The following HTR2A variants were observed in gnomAD, a reference collection of about 807,000 sequenced individuals.
HTR2A encodes 5-hydroxytryptamine receptor 2A, also known as 5-HT2 receptor.
A neutral mutation model predicts 31.0 loss-of-function variants in HTR2A; 14 were observed. The ratio of observed to expected loss-of-function variants is 0.45; its 90% CI spans 0.30 to 0.71. HTR2A has a LOEUF of 0.71. Ranked by LOEUF, HTR2A falls within the 30% of genes least tolerant of loss-of-function variation. HTR2A has a pLI of 0.09. For synonymous variants in HTR2A, 209 were observed against 225.2 expected (o/e 0.93, Z 0.64); for missense variants, 442 against 573.3 (o/e 0.77, Z 2.34).
At chr13:46,843,724 A>T (rs1950618429) in intron 3 of HTR2A, among the ~76,000 whole-genome samples, 1 of 152,124 alleles carries the variant, frequency 6.6e-6, no homozygotes, top group South Asian at 2.1e-4. Flanking sequence ...CCCTGGACCA[A>T]TTTTGATGAC....
chr13:46,855,655 T>C (rs1293617072), intron 3 of HTR2A, among the ~76,000 whole-genome samples: 1 of 152,160 alleles, frequency 6.6e-6, no homozygotes, highest in Admixed American at 6.5e-5. Flanking sequence ...TAAGGTGGGA[T>C]GGCCAGCAGG....
At chr13:46,890,389 C>T (rs1593445784) in intron 3 of HTR2A, among the ~76,000 whole-genome samples, 1 of 152,166 alleles carries the variant, frequency 6.6e-6, no homozygotes, top group South Asian at 2.1e-4. Context: ...TGCCTGGCAC[C>T]ACCACAATCA....
chr13:46,882,377 T>C (rs560513540), intron 3 of HTR2A, among the ~76,000 whole-genome samples: 2 of 152,326 alleles, frequency 1.3e-5, no homozygotes, highest in Admixed American at 6.5e-5. Flanking sequence ...AGGTGGTATA[T>C]GAAGTCTATG....
Position 46,832,686 on chromosome 13 carries a change from A to C in HTR2A, c.*2151T>G, listed in dbSNP as rs1024224026. 3.9e-5 allele frequency: 6 copies of C among 152,220 alleles called. No homozygotes were observed. The highest frequency in any genetic ancestry group is 7.4e-5 in the Non-Finnish European group (5 of 68,022). 9.4% of individuals were successfully genotyped at this position (152,220 alleles called of 1,614,324 possible). On this transcript the variant is annotated 3_prime_UTR_variant, in exon 4 of 4. Transcript: ENST00000542664. ...CAAATGCAGCCTTGGTACTAGCAGC[A>C]TATTATACATTCTATCTTTGAAACA...
chr13:46,867,562 G>A (rs1950827642), intron 3 of HTR2A, among the ~76,000 whole-genome samples: 1 of 152,196 alleles, frequency 6.6e-6, no homozygotes. Flanking sequence ...AACATCTCTT[G>A]AAGGATTTTT....
chr13:46,855,245 C>G (rs970123322), intron 3 of HTR2A, among the ~76,000 whole-genome samples: 9 of 152,174 alleles, frequency 5.9e-5, no homozygotes, highest in African/African-American at 1.9e-4. Context: ...AACCAGTACA[C>G]CCCCTTTTCT....
chr13:46,890,480 G>T (rs1246613241), intron 3 of HTR2A, among the ~76,000 whole-genome samples: 2 of 152,164 alleles, frequency 1.3e-5, no homozygotes, highest in Non-Finnish European at 2.9e-5. Context: ...AAGAGCATGG[G>T]CTTTGGACTC....
rs1170531051 is a variant in HTR2A, at chr13:46,896,868, C to T, written c.-523G>A. On this transcript the variant is annotated 5_prime_UTR_variant, in exon 1 of 4. Coordinates refer to ENST00000542664, the MANE Select transcript of HTR2A (RefSeq NM_000621.5). ...GAGCCAGCTCCCGCACTGCTAGGAT[C>T]CTGTTGGCTTCCTCTGGCACGGCTC... 1.3e-6 allele frequency: 2 copies of T among 1,531,564 alleles called. No individual in the cohort carries two copies. The highest frequency in any genetic ancestry group is 2.0e-5 in the Admixed American group (1 of 49,976). The allele number at this position is 1,531,564 out of a possible 1,614,324, so 94.9% of individuals were successfully genotyped here. A position where few individuals can be genotyped will look rare whatever the true frequency, so the allele number is the denominator to read the frequency against.
At chr13:46,890,268 G>A (rs555150178) in intron 3 of HTR2A, among the ~76,000 whole-genome samples, 4 of 152,206 alleles carry the variant, frequency 2.6e-5, no homozygotes, top group Non-Finnish European at 5.9e-5. Context: ...GCTTGAATGC[G>A]GGAGGCGGAG....
At chr13:46,861,030 A>T (rs1950774830) in intron 3 of HTR2A, among the ~76,000 whole-genome samples, 1 of 152,072 alleles carries the variant, frequency 6.6e-6, no homozygotes, top group Non-Finnish European at 1.5e-5. Context: ...TTAAAATTAG[A>T]CTCACCAGAT....
intron 3 of HTR2A, among the ~76,000 whole-genome samples, chr13:46,881,218 G>A (rs545489652): frequency 6.6e-6 from 1 of 152,326 alleles, no homozygotes; most frequent in South Asian, 2.1e-4. Context: ...CAGAGGAGGG[G>A]AAGGGTCACT....
chr13:46,889,419 C>T (rs1021305548), intron 3 of HTR2A, among the ~76,000 whole-genome samples: 1 of 152,110 alleles, frequency 6.6e-6, no homozygotes, highest in Non-Finnish European at 1.5e-5. Context: ...CCAAGTTCTA[C>T]ATAACCTCTC....
chr13:46,894,129 T>C (rs927584754), intron 2 of HTR2A, among the ~76,000 whole-genome samples: 11 of 152,160 alleles, frequency 7.2e-5, no homozygotes, highest in African/African-American at 2.7e-4. Context: ...GGCATTTCCT[T>C]GTGGGAGAAG....
In HTR2A at chr13:46,895,246, C is replaced by T; in HGVS notation, c.412+249G>A. The T allele has an allele frequency of 2.6e-6, 1 of 386,648 alleles. No individual in the cohort carries two copies. Among genetic ancestry groups the T allele is most frequent in the East Asian group, 4.2e-5 (1 of 23,946 alleles). The allele number at this position is 386,648 out of a possible 1,614,324, so 24.0% of individuals were successfully genotyped here. On this transcript the variant is annotated intron_variant, in intron 2 of 3. Coordinates refer to ENST00000542664, the MANE Select transcript of HTR2A (RefSeq NM_000621.5). This position sits in a 1 kb window ranked among gnomAD's most constrained non-coding sequence, Gnocchi z 4.4. ...TTGAAGCACAAAACTCTCCAATGAT[C>T]ATTTTTACACAGGATGTACGCGTTT...
intron 3 of HTR2A, among the ~76,000 whole-genome samples, chr13:46,880,271 T>A (rs1950949934): frequency 6.6e-6 from 1 of 152,150 alleles, no homozygotes; most frequent in African/African-American, 2.4e-5. Context: ...AGATCCACCT[T>A]AGCTCCTTGC....
chr13:46,872,613 A>G (rs1005607786), intron 3 of HTR2A, among the ~76,000 whole-genome samples: 2 of 152,228 alleles, frequency 1.3e-5, no homozygotes, highest in East Asian at 3.8e-4. Context: ...AAGTGCTAAC[A>G]TTAACAAGTG....
chr13:46,860,723 A>C (rs564313676), intron 3 of HTR2A, among the ~76,000 whole-genome samples: 1 of 152,176 alleles, frequency 6.6e-6, no homozygotes, highest in South Asian at 2.1e-4. Flanking sequence ...TTTATCAACA[A>C]AGTGGCCATT....
rs1356422070 is a variant in HTR2A at position 46,832,494 on chromosome 13, C to T, written c.*2343G>A. The T allele has an allele frequency of 2.0e-5, 3 of 152,172 alleles. No individual in the cohort carries two copies. Among genetic ancestry groups the T allele is most frequent in the South Asian group, 2.1e-4 (1 of 4,832 alleles). The allele number at this position is 152,172 out of a possible 1,614,324, so 9.4% of individuals were successfully genotyped here. A position where few individuals can be genotyped will look rare whatever the true frequency, so the allele number is the denominator to read the frequency against. On this transcript the variant is annotated 3_prime_UTR_variant, in exon 4 of 4. Transcript: ENST00000542664. ...ACATCTATCAGGCAACATTAATGTA[C>T]ATTCTGATCAAGATTGAGTATATGG...
intron 3 of HTR2A, among the ~76,000 whole-genome samples, chr13:46,855,102 C>T (rs1950723128): frequency 6.6e-6 from 1 of 152,204 alleles, no homozygotes. Flanking sequence ...AACAGCCTCT[C>T]CTTCACAGGT....
Sources: gnomAD v4.1 joint callset for allele counts (sites outside exome capture counted in the v4.1 genomes callset) on GRCh38, gnomAD v4.1.1 for gene constraint, Gnocchi (gnomAD v3.1) non-coding constraint, MANE v1.5 for transcripts, NCBI Gene and HGNC (gene_info 2026-07-23, HGNC 2026-07-21) for gene names.